Variants in FBN1 observed in about 807,000 individuals in gnomAD.
FBN1 encodes the protein fibrillin-1.
Under a neutral mutation model 365.1 loss-of-function variants are expected in FBN1, and 29 were observed. The ratio of observed to expected loss-of-function variants is 0.08; its 90% CI spans 0.06 to 0.11. FBN1 has a LOEUF of 0.11. FBN1 is among the 10% of genes least tolerant of loss of function. The pLI is 1.00. For synonymous variants in FBN1, 1,210 were observed against 1,270.5 expected (o/e 0.95, Z 1.01); for missense variants, 2,476 against 3,703.2 (o/e 0.67, Z 8.60).
At chr15:48,536,637 C>T (rs953760350) in intron 7 of FBN1, among the ~76,000 whole-genome samples, 1 of 152,162 alleles carries the variant, frequency 6.6e-6, no homozygotes, top group African/African-American at 2.4e-5. Context: ...CAGAGGGATA[C>T]ATTTAAGGGC....
At chr15:48,459,854 C>A (rs2043267763) in intron 43 of FBN1, among the ~76,000 whole-genome samples, 2 of 151,288 alleles carry the variant, frequency 1.3e-5, no homozygotes, top group African/African-American at 4.9e-5. Context: ...TTTATGTAAA[C>A]AATCTACACG....
chr15:48,523,713 G>GGGC, intron 9 of FBN1, among the ~76,000 whole-genome samples: 1 of 111,230 alleles, frequency 9.0e-6, no homozygotes, highest in African/African-American at 3.1e-5. Context: ...GGGTGGCTGG[G>GGGC]GGGGGGGGGG....
At chr15:48,603,952 C>T (rs2044586862) in intron 4 of FBN1, among the ~76,000 whole-genome samples, 1 of 152,282 alleles carries the variant, frequency 6.6e-6, no homozygotes, top group African/African-American at 2.4e-5. Context: ...TAAAAGATCC[C>T]AAATTAATTT....
intron 2 of FBN1, among the ~76,000 whole-genome samples, chr15:48,615,040 G>C (rs141483119): frequency 3.0e-3 from 458 of 152,320 alleles, no homozygotes; most frequent in Non-Finnish European, 5.8e-3. Context: ...AAATGAGAGA[G>C]GAAGTGAGGG....
chr15:48,623,113 C>A (rs1889799985), intron 2 of FBN1, among the ~76,000 whole-genome samples: 2 of 152,106 alleles, frequency 1.3e-5, no homozygotes, highest in Non-Finnish European at 2.9e-5. Flanking sequence ...TCTATTATGC[C>A]TAGACTATCC....
At chr15:48,441,104 T>C (rs1264767817) in intron 50 of FBN1, among the ~76,000 whole-genome samples, 1 of 152,216 alleles carries the variant, frequency 6.6e-6, no homozygotes, top group Admixed American at 6.5e-5. Context: ...AAGTACATAC[T>C]GTGTTATGCC....
intron 30 of FBN1, among the ~76,000 whole-genome samples, chr15:48,484,585 G>A (rs1024424125): frequency 4.6e-5 from 7 of 152,080 alleles, no homozygotes; most frequent in African/African-American, 1.7e-4. Flanking sequence ...TGGTCAGGCT[G>A]GTCTTGAACT....
At chr15:48,640,619 C>A (rs1380560109) in intron 2 of FBN1, among the ~76,000 whole-genome samples, 3 of 152,066 alleles carry the variant, frequency 2.0e-5, no homozygotes, top group Non-Finnish European at 2.9e-5. Flanking sequence ...GGCAACAAGA[C>A]CTCTGGAAAA....
chr15:48,568,045 G>GAAAA (rs2044272490), intron 6 of FBN1, among the ~76,000 whole-genome samples: 1 of 67,260 alleles, frequency 1.5e-5, no homozygotes, highest in Non-Finnish European at 2.7e-5. Context: ...AAGAAAGAAA[G>GAAAA]AAAGAAGAAA....
At chr15:48,553,925 G>T (rs1205664729) in intron 6 of FBN1, among the ~76,000 whole-genome samples, 3 of 152,080 alleles carry the variant, frequency 2.0e-5, no homozygotes, top group Non-Finnish European at 2.9e-5. Flanking sequence ...TGGCTACAAG[G>T]GAGACATGCT....
chr15:48,554,027 T>C (rs2141376401), intron 6 of FBN1, among the ~76,000 whole-genome samples: 1 of 152,298 alleles, frequency 6.6e-6, no homozygotes. Context: ...AGTTAAGAAA[T>C]TTGCCCAAGG....
chr15:48,448,731 C>A (rs2043177743), intron 46 of FBN1, 37 bp downstream of exon 46: 1 of 1,597,264 alleles, frequency 6.3e-7, no homozygotes. Context: ...AAGCTTTCAA[C>A]AGCATATGAA....
chr15:48,448,460 T>C (rs1371852275), intron 46 of FBN1, among the ~76,000 whole-genome samples: 1 of 152,088 alleles, frequency 6.6e-6, no homozygotes, highest in Non-Finnish European at 1.5e-5. Context: ...CAAAAGAAAA[T>C]CCACATCAAT....
At position 48,537,596 on chromosome 15, in the gene FBN1, T is replaced by C; in HGVS notation, c.736+15A>G. 1 of 1,614,092 alleles carries C rather than the reference T, an allele frequency of 6.2e-7. No individual in the cohort carries two copies. Among genetic ancestry groups the C allele is most frequent in the Non-Finnish European group, 8.5e-7 (1 of 1,180,000 alleles). ...TAAGATTAATCCATTAATAATTCCA[T>C]CAGCCCGGGTTTACCTTGACAAGCT... On this transcript the variant is annotated intron_variant, in intron 7 of 65. Coordinates refer to ENST00000316623, the MANE Select transcript of FBN1 (RefSeq NM_000138.5).
Position 48,600,185 on chromosome 15 carries a change from A to G in FBN1, c.396T>C (p.Asp132=), listed in dbSNP as rs147481356. ...RCMNGGSCSD[D]HCLCQKGYIG... is the part of the protein sequence containing the mutation. The stretch of plus-strand genomic sequence containing the variant: ...TGTATCCTTTCTGGCATAGACAGTG[A>G]TCGTCACTGCAGCTACCTCCATTCA... Residue 132 remains aspartate, a synonymous_variant, in exon 5 of 66, where the codon GAT becomes GAC. Coordinates refer to ENST00000316623, the MANE Select transcript of FBN1 (RefSeq NM_000138.5). The G allele has an allele frequency of 4.3e-5, 69 of 1,614,044 alleles. No homozygotes were observed. The East Asian group carries it at 1.5e-3, about 36-fold the overall frequency.
chr15:48,520,255 A>G (rs1470370229), intron 10 of FBN1, among the ~76,000 whole-genome samples: 1 of 152,090 alleles, frequency 6.6e-6, no homozygotes, highest in Non-Finnish European at 1.5e-5. Flanking sequence ...AACAAGCAGG[A>G]CTTAGCAGGA....
At position 48,518,875 on chromosome 15, in the gene FBN1, C is replaced by G. The variant is rs144843994; in HGVS notation, c.1147+1784G>C. Among the ~76,000 whole-genome samples the G allele has an allele frequency of 2.8e-3, 432 of 152,270 alleles. 2 individuals carry two copies. The highest frequency in any genetic ancestry group is 0.01 in the African/African-American group (422 of 41,548). On this transcript the variant is annotated intron_variant, in intron 10 of 65. Coordinates refer to ENST00000316623, the MANE Select transcript of FBN1 (RefSeq NM_000138.5). ...AAAAACCTACCTGCAAGTTATTTTG[C>G]TCTATAAATCTGTTTTGCCCAAGGC... is the stretch of plus-strand genomic sequence containing the variant.
chr15:48,530,312 G>A (rs1162583290), intron 8 of FBN1, among the ~76,000 whole-genome samples: 1 of 150,626 alleles, frequency 6.6e-6, no homozygotes, highest in Non-Finnish European at 1.5e-5. Context: ...TGAAAATGGA[G>A]TCTGAATTCT....
At chr15:48,471,617 T>A (rs1230246484) in intron 35 of FBN1, among the ~76,000 whole-genome samples, 1 of 152,190 alleles carries the variant, frequency 6.6e-6, no homozygotes, top group Non-Finnish European at 1.5e-5. Context: ...ACCCAACGGT[T>A]CCATAACAAA....
Sources: allele counts gnomAD v4.1 joint callset (sites outside exome capture counted in the v4.1 genomes callset), GRCh38; gene constraint gnomAD v4.1.1; transcripts MANE v1.5; gene names NCBI Gene and HGNC (gene_info 2026-07-23, HGNC 2026-07-21).